ZPBP: variants seen among roughly 807,000 people sequenced by gnomAD.
The protein encoded by ZPBP is zona pellucida-binding protein 1.
A neutral mutation model predicts 44.8 loss-of-function variants in ZPBP; 26 were observed. That is an observed-to-expected ratio of 0.58 (90% confidence interval 0.43 to 0.81). The LOEUF (loss-of-function observed/expected upper bound fraction) is 0.81, where lower values mean the gene tolerates loss of function less well. ZPBP is among the 30% of genes least tolerant of loss of function. The pLI is 0.00. For synonymous variants in ZPBP, 174 were observed against 153.2 expected (o/e 1.14, Z -1.00); for missense variants, 409 against 434.0 (o/e 0.94, Z 0.51).
At chr7:49,915,003 T>A (rs1005660505) in intron 1 of ZPBP, 2 of 152,214 alleles carry the variant, frequency 1.3e-5, no homozygotes, top group Non-Finnish European at 2.9e-5. Context: ...TTATTTCAAA[T>A]TTTCAACCCA....
At chr7:50,053,928 C>T (rs956985881) in intron 4 of ZPBP, among the ~76,000 whole-genome samples, 1 of 152,132 alleles carries the variant, frequency 6.6e-6, no homozygotes, top group South Asian at 2.1e-4. Flanking sequence ...CTCACTCTGT[C>T]ACCTAGGCTG....
chr7:49,880,695 G>T (rs1320270208), intron 2 of ZPBP, among the ~76,000 whole-genome samples: 1 of 152,052 alleles, frequency 6.6e-6, no homozygotes, highest in African/African-American at 2.4e-5. Flanking sequence ...GATGGGGGAA[G>T]GGGGAAGGGA....
chr7:49,893,788 G>A (rs1414403561), intron 2 of ZPBP, among the ~76,000 whole-genome samples: 1 of 152,014 alleles, frequency 6.6e-6, no homozygotes, highest in Non-Finnish European at 1.5e-5. Flanking sequence ...CTGGTGCTAA[G>A]GAACATAATT....
rs149354669 is a variant in ZPBP at position 49,892,941 on chromosome 7, C to T, written n.509+8177G>A. 7.0e-4 allele frequency among the ~76,000 whole-genome samples: 60 copies of T among 85,186 alleles called. No homozygotes were observed. In the East Asian group the frequency reaches 0.029, roughly 41 times the overall value. The allele number at this position is 85,186 out of a possible 152,430, so 55.9% of individuals were successfully genotyped here. A position where few individuals can be genotyped will look rare whatever the true frequency, so the allele number is the denominator to read the frequency against. On this transcript the variant is annotated intron_variant and non_coding_transcript_variant, in intron 2 of 2. Coordinates refer to the ZPBP transcript ENST00000465922. The stretch of plus-strand genomic sequence containing the variant: ...ATAATTAAGGTTCTGAAAAGATCTT[C>T]AATGAAGAATCCTCACTTAAGTTGT...
chr7:49,852,338 C>G (rs1188507855), intron 2 of ZPBP, among the ~76,000 whole-genome samples: 1 of 152,188 alleles, frequency 6.6e-6, no homozygotes, highest in Non-Finnish European at 1.5e-5. Context: ...ATTGCAGGCT[C>G]TGGTTCAAAG....
intron 2 of ZPBP, among the ~76,000 whole-genome samples, chr7:49,898,103 C>T (rs886472962): frequency 2.0e-5 from 3 of 151,532 alleles, no homozygotes; most frequent in African/African-American, 7.3e-5. Flanking sequence ...ATTATGTATG[C>T]TTTACATATA....
intron 3 of ZPBP, among the ~76,000 whole-genome samples, chr7:50,072,199 G>A (rs1801872270): frequency 6.6e-6 from 1 of 152,308 alleles, no homozygotes; most frequent in Non-Finnish European, 1.5e-5. Flanking sequence ...GGGAACATTG[G>A]TGGTAGTTGG....
Position 50,072,508 on chromosome 7 carries a change from C to T in ZPBP, c.334+9266G>A, listed in dbSNP as rs141196287. 4.5e-3 allele frequency among the ~76,000 whole-genome samples: 684 copies of T among 152,342 alleles called. 17 individuals are homozygous for T. The South Asian group carries it at 0.068, about 15-fold the overall frequency. On this transcript the variant is annotated intron_variant, in intron 3 of 7. Coordinates refer to ENST00000046087, the MANE Select transcript of ZPBP (RefSeq NM_007009.3). ...AGAGCCCCAGGGCCTTGAGCAAACACAGGCTGGAGCCATGGAGTGGTTACA... is the reference window on the plus strand; with the variant it reads ...AGAGCCCCAGGGCCTTGAGCAAACATAGGCTGGAGCCATGGAGTGGTTACA...
chr7:49,860,879 C>G (rs943220606), intron 2 of ZPBP, among the ~76,000 whole-genome samples: 1 of 152,168 alleles, frequency 6.6e-6, no homozygotes, highest in Admixed American at 6.5e-5. Context: ...TGGCCATCTG[C>G]GAGCCAAGGG....
At chr7:49,873,548 A>G (rs192553716) in intron 2 of ZPBP, among the ~76,000 whole-genome samples, 1 of 152,362 alleles carries the variant, frequency 6.6e-6, no homozygotes, top group East Asian at 1.9e-4. Context: ...CTAGAGTGTA[A>G]AGAAATGATG....
chr7:50,081,035 C>A (rs1802327030), intron 3 of ZPBP, among the ~76,000 whole-genome samples: 1 of 151,672 alleles, frequency 6.6e-6, no homozygotes, highest in Non-Finnish European at 1.5e-5. Context: ...AAACATACAG[C>A]TGAGATCTCT....
intron 3 of ZPBP, among the ~76,000 whole-genome samples, chr7:50,073,393 T>C (rs1461702239): frequency 1.3e-5 from 2 of 151,954 alleles, no homozygotes; most frequent in African/African-American, 2.4e-5. Flanking sequence ...AGTGAAGCAT[T>C]CCAGAAGATC....
intron 7 of ZPBP, among the ~76,000 whole-genome samples, chr7:49,981,685 TAATATATATAATTATATATA>T (rs1562820573): frequency 2.9e-3 from 121 of 41,838 alleles, no homozygotes; most frequent in African/African-American, 0.015. Flanking sequence ...TTATATATAA[TAATATATATAATTATATATA>T]ATATATTATA....
Position 49,937,471 on chromosome 7 carries a change from A to G in ZPBP, c.*57T>C, listed in dbSNP as rs1045778400. ...TTTGGCATAATAATTTATTATGTTA[A>G]TATTTCAAATATATACTTTGCATTT... On this transcript the variant is annotated 3_prime_UTR_variant, in exon 8 of 8. Coordinates refer to ENST00000046087, the MANE Select transcript of ZPBP (RefSeq NM_007009.3). 16 of 1,260,108 alleles carry G rather than the reference A, an allele frequency of 1.3e-5. No individual in the cohort carries two copies. Among genetic ancestry groups the G allele is most frequent in the Non-Finnish European group, 1.7e-5 (15 of 862,774 alleles). 78.1% of individuals were successfully genotyped at this position (1,260,108 alleles called of 1,614,324 possible).
intron 2 of ZPBP, among the ~76,000 whole-genome samples, chr7:49,854,716 A>T (rs1455974929): frequency 6.6e-6 from 1 of 152,200 alleles, no homozygotes; most frequent in Non-Finnish European, 1.5e-5. Context: ...TCTTTAGTTT[A>T]ATTAGATCCC....
chr7:49,995,154 C>T (rs1355616892), intron 6 of ZPBP, among the ~76,000 whole-genome samples: 1 of 152,190 alleles, frequency 6.6e-6, no homozygotes, highest in Non-Finnish European at 1.5e-5. Context: ...AAAGTAATTG[C>T]TACTTCTCAC....
intron 2 of ZPBP, among the ~76,000 whole-genome samples, chr7:50,087,551 C>T (rs1270085580): frequency 1.3e-5 from 2 of 151,982 alleles, no homozygotes; most frequent in Non-Finnish European, 2.9e-5. Flanking sequence ...TCACAGATAA[C>T]ATCATACTTA....
chr7:50,020,732 A>G (rs924248261), intron 5 of ZPBP, among the ~76,000 whole-genome samples: 2 of 152,060 alleles, frequency 1.3e-5, no homozygotes, highest in African/African-American at 2.4e-5. Context: ...CTTTTTCCAT[A>G]GAAACATGGA....
At chr7:49,892,331 C>T (rs1268379686) in intron 2 of ZPBP, among the ~76,000 whole-genome samples, 2 of 151,998 alleles carry the variant, frequency 1.3e-5, no homozygotes, top group Non-Finnish European at 2.9e-5. Flanking sequence ...CAAGCGTGAG[C>T]CACCGCGCCC....
Sources: allele counts gnomAD v4.1 joint callset (sites outside exome capture counted in the v4.1 genomes callset), GRCh38; gene constraint gnomAD v4.1.1; transcripts MANE v1.5; gene names NCBI Gene and HGNC (gene_info 2026-07-23, HGNC 2026-07-21).